THSD4: variants seen among roughly 807,000 people sequenced by gnomAD.
THSD4 encodes thrombospondin type 1 domain containing 4, also known as thrombospondin type-1 domain-containing protein 4.
In THSD4, 69 loss-of-function variants were observed where a neutral mutation model predicts 119.0. The observed-to-expected ratio is 0.58, with a 90% CI of 0.48 to 0.71. The LOEUF is 0.71. Among genes scored for constraint, THSD4 ranks in the 30% least tolerant of loss-of-function variants. The pLI, the probability that THSD4 is intolerant of heterozygous loss-of-function variation, is 0.00. For synonymous variants in THSD4, 524 were observed against 540.4 expected (o/e 0.97, Z 0.42); for missense variants, 1,393 against 1,391.1 (o/e 1.00, Z -0.02).
chr15:71,393,261 C>T lies in THSD4; in HGVS notation c.1016-18426C>T, dbSNP rs143523154. Among the ~76,000 whole-genome samples the T allele has an allele frequency of 3.6e-4, 54 of 151,812 alleles. No individual in the cohort carries two copies. In the East Asian group the frequency reaches 8.2e-3, roughly 23 times the overall value. ...GGTGGTTGTGCATATTTGGACAGAACGTGTTCTGCCTACAGAGAGGGCCTG... is the reference window on the plus strand; with the variant it reads ...GGTGGTTGTGCATATTTGGACAGAATGTGTTCTGCCTACAGAGAGGGCCTG... On this transcript the variant is annotated intron_variant, in intron 6 of 17. Transcript: ENST00000261862.
chr15:71,117,196 C>T (rs894743000), intron 1 of THSD4, among the ~76,000 whole-genome samples: 1 of 152,158 alleles, frequency 6.6e-6, no homozygotes, highest in African/African-American at 2.4e-5. Context: ...GTGCCCAGCA[C>T]TGGGCGGGGC....
intron 7 of THSD4, among the ~76,000 whole-genome samples, chr15:71,531,270 C>T (rs147730895): frequency 4.4e-4 from 67 of 152,144 alleles, no homozygotes; most frequent in African/African-American, 1.4e-3. Flanking sequence ...CAATAGGAAA[C>T]GCCTGAAGTA....
At chr15:71,105,690 C>T (rs746220901) in intron 1 of THSD4, among the ~76,000 whole-genome samples, 11 of 152,208 alleles carry the variant, frequency 7.2e-5, no homozygotes, top group Non-Finnish European at 1.3e-4. Flanking sequence ...TCACACTACA[C>T]TATCCTATTT....
chr15:71,414,648 T>G (rs1237179003), intron 7 of THSD4, among the ~76,000 whole-genome samples: 1 of 152,250 alleles, frequency 6.6e-6, no homozygotes, highest in Non-Finnish European at 1.5e-5. Flanking sequence ...TTCTTAGTAT[T>G]TCATTAAATG....
chr15:71,104,348 A>G (rs2040265341), intron 1 of THSD4, among the ~76,000 whole-genome samples: 1 of 152,076 alleles, frequency 6.6e-6, no homozygotes, highest in African/African-American at 2.4e-5. Context: ...CTGACAGCAA[A>G]TGTGTGGGGC....
At chr15:71,466,736 C>G (rs2140628872) in intron 7 of THSD4, among the ~76,000 whole-genome samples, 1 of 152,330 alleles carries the variant, frequency 6.6e-6, no homozygotes, top group African/African-American at 2.4e-5. Flanking sequence ...CCAGGGCTGT[C>G]TTTCTAGGAG....
chr15:71,246,063 A>G (rs1438410380), intron 5 of THSD4, among the ~76,000 whole-genome samples: 3 of 152,194 alleles, frequency 2.0e-5, no homozygotes, highest in African/African-American at 7.2e-5. Context: ...TCCTACTGAA[A>G]GAGGAAAAGG....
chr15:71,492,044 G>C (rs528130050), intron 7 of THSD4, among the ~76,000 whole-genome samples: 2 of 151,664 alleles, frequency 1.3e-5, no homozygotes, highest in East Asian at 3.9e-4. Context: ...TTTCCTGTTT[G>C]AAATGCCTGT....
intron 8 of THSD4, among the ~76,000 whole-genome samples, chr15:71,708,020 GT>G (rs909181729): frequency 6.6e-6 from 1 of 152,150 alleles, no homozygotes; most frequent in Non-Finnish European, 1.5e-5. Flanking sequence ...GGACTATATT[GT>G]TTTTAAGAGA....
chr15:71,587,502 T>C (rs2140863219), intron 7 of THSD4, among the ~76,000 whole-genome samples: 1 of 115,678 alleles, frequency 8.6e-6, no homozygotes, highest in East Asian at 2.3e-4. Context: ...AAACCATCAT[T>C]CTCAGTAAAC....
chr15:71,297,245 G>A (rs922954747), intron 6 of THSD4, among the ~76,000 whole-genome samples: 6 of 150,270 alleles, frequency 4.0e-5, no homozygotes, highest in African/African-American at 1.2e-4. Flanking sequence ...TCATGTTTTT[G>A]TGTGCTTATT....
chr15:71,271,970 A>G (rs561104981), intron 6 of THSD4, among the ~76,000 whole-genome samples: 1 of 152,366 alleles, frequency 6.6e-6, no homozygotes, highest in South Asian at 2.1e-4. Flanking sequence ...TCTGCATAGC[A>G]AAAGAAACAA....
chr15:71,212,232 A>AT (rs529552315), intron 3 of THSD4, among the ~76,000 whole-genome samples: 7 of 152,166 alleles, frequency 4.6e-5, no homozygotes, highest in Non-Finnish European at 7.3e-5. Flanking sequence ...GCTACATACT[A>AT]TAAAAATGCA....
At chr15:71,562,880 T>C (rs2049152473) in intron 7 of THSD4, among the ~76,000 whole-genome samples, 1 of 152,028 alleles carries the variant, frequency 6.6e-6, no homozygotes, top group South Asian at 2.1e-4. Flanking sequence ...TTTTTTGTAT[T>C]TTTAGTAGAA....
At chr15:71,761,764 A>G (rs182512264) in intron 15 of THSD4, among the ~76,000 whole-genome samples, 55 of 152,262 alleles carry the variant, frequency 3.6e-4, no homozygotes, top group African/African-American at 1.3e-3. Flanking sequence ...AGTCTTTCAA[A>G]TAGGATTTGT....
At chr15:71,143,193 G>A (rs760819677) in intron 2 of THSD4, among the ~76,000 whole-genome samples, 2 of 152,140 alleles carry the variant, frequency 1.3e-5, no homozygotes, top group Non-Finnish European at 2.9e-5. Flanking sequence ...ATTGAGCCAC[G>A]AGGAGGACAG....
chr15:71,521,270 G>A (rs374116232), intron 7 of THSD4, among the ~76,000 whole-genome samples: 3 of 152,164 alleles, frequency 2.0e-5, no homozygotes, highest in South Asian at 4.2e-4. Context: ...CAAGAAAAAT[G>A]GTGGGATTAT....
chr15:71,706,418 C>T (rs991993591), intron 8 of THSD4, among the ~76,000 whole-genome samples: 6 of 152,060 alleles, frequency 3.9e-5, no homozygotes, highest in African/African-American at 1.2e-4. Context: ...ATAAAATATA[C>T]AGGGGAAATC....
intron 7 of THSD4, among the ~76,000 whole-genome samples, chr15:71,562,623 C>T (rs569679522): frequency 2.0e-5 from 3 of 151,902 alleles, no homozygotes; most frequent in East Asian, 1.9e-4. Flanking sequence ...ATGTTATATC[C>T]GTTTCACAGT....
Sources: gnomAD v4.1 joint callset for allele counts (sites outside exome capture counted in the v4.1 genomes callset) on GRCh38, gnomAD v4.1.1 for gene constraint, MANE v1.5 for transcripts, NCBI Gene and HGNC (gene_info 2026-07-23, HGNC 2026-07-21) for gene names.